WWOX: variants seen among roughly 807,000 people sequenced by gnomAD.
WWOX encodes the protein WW domain containing oxidoreductase, also known as WW domain-containing oxidoreductase.
A neutral mutation model predicts 46.2 loss-of-function variants in WWOX; 69 were observed. That is an observed-to-expected ratio of 1.49 (90% CI 1.23 to 1.82). The LOEUF is 1.82. Ranked by LOEUF, WWOX falls within the 40% of genes most tolerant of loss-of-function variation. WWOX has a pLI of 0.00. For missense variants in WWOX, 919 were observed against 542.6 expected, an observed-to-expected ratio of 1.69 and a Z score of -6.89; for synonymous variants, 359 against 202.6, an observed-to-expected ratio of 1.77 and a Z score of -6.56.
chr16:78,869,774 C>T (rs992164589), intron 8 of WWOX, among the ~76,000 whole-genome samples: 1 of 152,192 alleles, frequency 6.6e-6, no homozygotes, highest in Non-Finnish European at 1.5e-5. Flanking sequence ...TCGCAGATAG[C>T]CTCTTAGCAG....
At chr16:78,346,965 TC>T (rs1284653359) in intron 5 of WWOX, among the ~76,000 whole-genome samples, 1 of 119,802 alleles carries the variant, frequency 8.3e-6, no homozygotes, top group African/African-American at 2.8e-5. Context: ...CCTCAGGTGA[TC>T]TGCCTGCCTC....
intron 5 of WWOX, among the ~76,000 whole-genome samples, chr16:78,316,486 G>T (rs2080358114): frequency 6.6e-6 from 1 of 151,986 alleles, no homozygotes; most frequent in South Asian, 2.1e-4. Context: ...GGGATTACAG[G>T]TGCCTGCCAC....
intron 8 of WWOX, among the ~76,000 whole-genome samples, chr16:78,998,733 C>T (rs2047037666): frequency 6.6e-6 from 1 of 152,194 alleles, no homozygotes; most frequent in African/African-American, 2.4e-5. Flanking sequence ...TTAACTTATA[C>T]ATTGAAAGGT....
At chr16:79,093,623 T>C (rs897361380) in intron 8 of WWOX, among the ~76,000 whole-genome samples, 26 of 152,170 alleles carry the variant, frequency 1.7e-4, no homozygotes, top group Admixed American at 9.2e-4. Flanking sequence ...GGTGGCCCAT[T>C]GGCACCCACA....
intron 5 of WWOX, among the ~76,000 whole-genome samples, chr16:78,347,342 A>G (rs545774626): frequency 2.6e-5 from 3 of 117,306 alleles, no homozygotes; most frequent in East Asian, 1.9e-4. Context: ...ATCCATTCCA[A>G]TATGACTCCT....
Position 78,303,673 on chromosome 16 carries a change from T to C in WWOX, c.517-83187T>C, listed in dbSNP as rs574848108. On this transcript the variant is annotated intron_variant, in intron 5 of 8. Transcript: ENST00000566780. ...GATTCTCATGCCTCAGACTCCTGAG[T>C]AGCTGGGATTACAGGCATGCGCCAC... 8.5e-5 allele frequency among the ~76,000 whole-genome samples: 13 copies of C among 152,258 alleles called. 1 individual carries two copies. The South Asian group carries it at 2.7e-3, about 32-fold the overall frequency.
At chr16:78,775,905 A>G (rs1227582520) in intron 8 of WWOX, among the ~76,000 whole-genome samples, 1 of 152,190 alleles carries the variant, frequency 6.6e-6, no homozygotes, top group Non-Finnish European at 1.5e-5. Context: ...TAAGAGCTTG[A>G]ATCCTTCAAA....
At chr16:78,991,928 C>T (rs1024603043) in intron 8 of WWOX, among the ~76,000 whole-genome samples, 1 of 152,128 alleles carries the variant, frequency 6.6e-6, no homozygotes, top group Non-Finnish European at 1.5e-5. Flanking sequence ...ACAATACCAG[C>T]CACAAAATAA....
chr16:79,124,515 A>G (rs2049709218), intron 8 of WWOX, among the ~76,000 whole-genome samples: 1 of 152,144 alleles, frequency 6.6e-6, no homozygotes, highest in Non-Finnish European at 1.5e-5. Flanking sequence ...TCACGTTAGG[A>G]CTGAGTTCAT....
At chr16:78,616,933 G>C (rs188649235) in intron 8 of WWOX, among the ~76,000 whole-genome samples, 1 of 152,294 alleles carries the variant, frequency 6.6e-6, no homozygotes, top group South Asian at 2.1e-4. Flanking sequence ...CCACAATAAT[G>C]TTTTATAATG....
At chr16:78,619,231 G>C (rs1226100465) in intron 8 of WWOX, among the ~76,000 whole-genome samples, 1 of 103,478 alleles carries the variant, frequency 9.7e-6, no homozygotes, top group Non-Finnish European at 1.9e-5. Context: ...ATGCATGGGG[G>C]CCTGCCCTTG....
At chr16:78,898,501 T>C (rs2044752708) in intron 8 of WWOX, 1 of 152,160 alleles carries the variant, frequency 6.6e-6, no homozygotes, top group Non-Finnish European at 1.5e-5. Context: ...GATCTAATTT[T>C]TTTTCTTATA....
intron 8 of WWOX, among the ~76,000 whole-genome samples, chr16:78,712,621 G>C (rs2048467365): frequency 6.6e-6 from 1 of 152,068 alleles, no homozygotes; most frequent in Admixed American, 6.6e-5. Flanking sequence ...ACATTTTTCT[G>C]AGACAAATAG....
chr16:79,116,575 G>A (rs185295595), intron 8 of WWOX, among the ~76,000 whole-genome samples: 1 of 152,230 alleles, frequency 6.6e-6, no homozygotes, highest in Non-Finnish European at 1.5e-5. Flanking sequence ...TCATGAGATT[G>A]CAGCAATTTA....
chr16:78,399,653 C>T (rs1318880148), intron 6 of WWOX, among the ~76,000 whole-genome samples: 3 of 152,128 alleles, frequency 2.0e-5, no homozygotes, highest in Non-Finnish European at 4.4e-5. Flanking sequence ...AGAGAACTCT[C>T]GATTTATATA....
intron 8 of WWOX, among the ~76,000 whole-genome samples, chr16:78,855,133 T>A (rs749857129): frequency 6.6e-6 from 1 of 152,204 alleles, no homozygotes; most frequent in Admixed American, 6.5e-5. Context: ...TTAAATCTCT[T>A]TCTGTTAATT....
rs887265042 is a variant in WWOX, at chr16:78,704,134, A to AT, written c.1056+271396dup. 5.1e-3 allele frequency among the ~76,000 whole-genome samples: 733 copies of AT among 143,220 alleles called. 1 individual carries two copies. The highest frequency in any genetic ancestry group is 0.016 in the South Asian group (71 of 4,382). 94.0% of individuals were successfully genotyped at this position (143,220 alleles called of 152,430 possible). On this transcript the variant is annotated intron_variant, in intron 8 of 8. Transcript: ENST00000566780. ...TCATGGTGGAAAGGGGCAGGCTGTG[A>AT]TTTTTTTTTTTTTTAACCTCCAGCA... is the stretch of plus-strand genomic sequence containing the variant.
At chr16:78,827,902 A>G (rs2051707474) in intron 8 of WWOX, among the ~76,000 whole-genome samples, 1 of 152,324 alleles carries the variant, frequency 6.6e-6, no homozygotes, top group East Asian at 1.9e-4. Context: ...CAGGATGGGA[A>G]CCAGGCACTG....
chr16:78,185,917 C>T (rs553947856), intron 5 of WWOX, among the ~76,000 whole-genome samples: 81 of 152,288 alleles, frequency 5.3e-4, no homozygotes, highest in African/African-American at 1.7e-3. Context: ...CCACCCGCCT[C>T]GGCCTCCGAA....
Sources: gnomAD v4.1 joint callset for allele counts (sites outside exome capture counted in the v4.1 genomes callset) on GRCh38, gnomAD v4.1.1 for gene constraint, MANE v1.5 for transcripts, NCBI Gene and HGNC (gene_info 2026-07-23, HGNC 2026-07-21) for gene names.